HPSE2: variants seen among roughly 807,000 people sequenced by gnomAD.
HPSE2 encodes the protein inactive heparanase-2.
Under a neutral mutation model 60.5 loss-of-function variants are expected in HPSE2, and 38 were observed. The observed-to-expected ratio is 0.63, with a 90% confidence interval of 0.48 to 0.82. HPSE2 has a LOEUF of 0.82. Among genes scored for constraint, HPSE2 ranks in the 40% least tolerant of loss-of-function variants. The pLI is 0.00. For missense variants in HPSE2, 713 were observed against 740.4 expected, an observed-to-expected ratio of 0.96 and a Z score of 0.43; for synonymous variants, 295 against 293.2, an observed-to-expected ratio of 1.01 and a Z score of -0.06.
the HPSE2 span, among the ~76,000 whole-genome samples, chr10:99,291,386 C>T: frequency 2.8e-4 from 43 of 152,270 alleles, no homozygotes; most frequent in Non-Finnish European, 5.7e-4. Flanking sequence ...GAGATCAAGA[C>T]CATCCTGGCC....
chr10:99,186,253 A>G (rs980116496), intron 2 of HPSE2, among the ~76,000 whole-genome samples: 1 of 152,060 alleles, frequency 6.6e-6, no homozygotes, highest in African/African-American at 2.4e-5. Flanking sequence ...GAATAAGAAT[A>G]AGAATTGCAG....
intron 3 of HPSE2, among the ~76,000 whole-genome samples, chr10:98,978,498 C>A (rs747903335): frequency 6.6e-6 from 1 of 152,086 alleles, no homozygotes; most frequent in Non-Finnish European, 1.5e-5. Context: ...AAAACCCTAG[C>A]AATCCAGTAC....
At chr10:98,967,934 GA>G (rs1445309929) in intron 3 of HPSE2, among the ~76,000 whole-genome samples, 14 of 152,034 alleles carry the variant, frequency 9.2e-5, no homozygotes, top group Admixed American at 9.2e-4. Flanking sequence ...GGGAATACTA[GA>G]AAAAAGTCTG....
chr10:99,013,535 G>A (rs778456946), intron 3 of HPSE2: 32 of 282,194 alleles, frequency 1.1e-4, no homozygotes, highest in Admixed American at 5.8e-4. Flanking sequence ...GTACTGGCAC[G>A]ATCACAGCTC....
chr10:98,530,597 A>T (rs1480614964), intron 9 of HPSE2, among the ~76,000 whole-genome samples: 3 of 152,150 alleles, frequency 2.0e-5, no homozygotes, highest in African/African-American at 7.2e-5. Flanking sequence ...AAGGCTTTTG[A>T]TTTCACTGCC....
chr10:98,956,333 G>C (rs1382678362), intron 3 of HPSE2, among the ~76,000 whole-genome samples: 2 of 152,148 alleles, frequency 1.3e-5, no homozygotes, highest in Non-Finnish European at 2.9e-5. Flanking sequence ...TGGTATGATA[G>C]AGCATGGTGT....
chr10:98,657,906 G>T (rs1291944439), intron 6 of HPSE2, among the ~76,000 whole-genome samples: 1 of 152,054 alleles, frequency 6.6e-6, no homozygotes, highest in East Asian at 1.9e-4. Context: ...ATATAATCAG[G>T]ACTACCTGGT....
intron 3 of HPSE2, among the ~76,000 whole-genome samples, chr10:98,835,777 T>C (rs1672842309): frequency 6.6e-6 from 1 of 152,198 alleles, no homozygotes; most frequent in African/African-American, 2.4e-5. Flanking sequence ...GCTATATGCC[T>C]CTCAAGTTCT....
At chr10:98,967,287 A>C (rs1033111127) in intron 3 of HPSE2, among the ~76,000 whole-genome samples, 2 of 152,198 alleles carry the variant, frequency 1.3e-5, no homozygotes, top group African/African-American at 2.4e-5. Context: ...TCTCCATTGG[A>C]GTTTATGATA....
intron 9 of HPSE2, among the ~76,000 whole-genome samples, chr10:98,593,258 G>A (rs1033975958): frequency 1.3e-5 from 2 of 152,128 alleles, no homozygotes; most frequent in African/African-American, 4.8e-5. Flanking sequence ...ATGGAAATAT[G>A]GCTGCACTTA....
chr10:98,552,410 A>C (rs1180729796), intron 9 of HPSE2, among the ~76,000 whole-genome samples: 2 of 152,152 alleles, frequency 1.3e-5, no homozygotes, highest in African/African-American at 4.8e-5. Context: ...TAGGTACTAC[A>C]TAAGTGGCAG....
chr10:98,752,188 A>G (rs901026752), intron 3 of HPSE2, among the ~76,000 whole-genome samples: 2 of 152,196 alleles, frequency 1.3e-5, no homozygotes, highest in Non-Finnish European at 2.9e-5. Flanking sequence ...CACTATTATG[A>G]AAAGGATAGA....
At chr10:99,164,230 TATATATATATATATA>T (rs1564858862) in intron 2 of HPSE2, among the ~76,000 whole-genome samples, 5 of 488 alleles carry the variant, frequency 0.01, no homozygotes, top group East Asian at 0.045. Context: ...TCAAGCATTA[TATATATATATATATA>T]TATATATATA....
At chr10:98,775,282 G>T (rs546189368) in intron 3 of HPSE2, among the ~76,000 whole-genome samples, 97 of 152,264 alleles carry the variant, frequency 6.4e-4, no homozygotes, top group African/African-American at 2.3e-3. Flanking sequence ...TGGTTGATTT[G>T]CATATTGTGC....
At chr10:99,105,990 C>A (rs1844233231) in intron 3 of HPSE2, among the ~76,000 whole-genome samples, 2 of 152,080 alleles carry the variant, frequency 1.3e-5, no homozygotes, top group African/African-American at 4.8e-5. Context: ...ACAAATACCA[C>A]ACTGTCTCCA....
At chr10:98,814,078 G>C (rs539912956) in intron 3 of HPSE2, among the ~76,000 whole-genome samples, 3 of 152,122 alleles carry the variant, frequency 2.0e-5, no homozygotes, top group Non-Finnish European at 4.4e-5. Flanking sequence ...TGGAGCAAGA[G>C]TTTGAATTTG....
chr10:98,832,940 C>T (rs958377804), intron 3 of HPSE2, among the ~76,000 whole-genome samples: 2 of 152,092 alleles, frequency 1.3e-5, no homozygotes, highest in African/African-American at 2.4e-5. Context: ...GCTGACAGAA[C>T]GGCTGTTTTA....
In HPSE2 at chr10:99,048,141, C is replaced by T. The variant is rs1957902799; in HGVS notation, c.610+96097G>A. The T allele has an allele frequency of 5.6e-6, 5 of 896,718 alleles. No individual in the cohort carries two copies. The Admixed American group carries it at 5.7e-5, about 10-fold the overall frequency. The allele number at this position is 896,718 out of a possible 1,614,324, so 55.5% of individuals were successfully genotyped here. On this transcript the variant is annotated intron_variant, in intron 3 of 11. Coordinates refer to ENST00000370552, the MANE Select transcript of HPSE2 (RefSeq NM_021828.5). Reference sequence around the variant, plus strand: ...GGCAAAATCAATAAGAAGCAAATTGCTTTGACAGATAACCCTTTGATTGCT... The same window carrying T: ...GGCAAAATCAATAAGAAGCAAATTGTTTTGACAGATAACCCTTTGATTGCT...
At chr10:99,174,160 G>A (rs753781780) in intron 2 of HPSE2, among the ~76,000 whole-genome samples, 5 of 151,984 alleles carry the variant, frequency 3.3e-5, no homozygotes, top group Non-Finnish European at 7.4e-5. Context: ...GTCCTCTTTG[G>A]CTTATCCAAA....
Sources: allele counts gnomAD v4.1 joint callset (sites outside exome capture counted in the v4.1 genomes callset), GRCh38; gene constraint gnomAD v4.1.1; transcripts MANE v1.5; gene names NCBI Gene and HGNC (gene_info 2026-07-23, HGNC 2026-07-21).